Variants in ZMAT4 observed in about 807,000 individuals in gnomAD.
ZMAT4 encodes the protein zinc finger matrin-type 4.
A neutral mutation model predicts 28.7 loss-of-function variants in ZMAT4; 17 were observed. The observed-to-expected ratio is 0.59, with a 90% CI of 0.41 to 0.89. The LOEUF (loss-of-function observed/expected upper bound fraction) is 0.89, where lower values mean the gene tolerates loss of function less well. ZMAT4 is among the 40% of genes least tolerant of loss of function. The pLI is 0.00. For synonymous variants in ZMAT4, 117 were observed against 109.2 expected (o/e 1.07, Z -0.44); for missense variants, 240 against 283.8 (o/e 0.85, Z 1.11).
chr8:40,858,180 G>A (rs1164331697), intron 1 of ZMAT4, among the ~76,000 whole-genome samples: 3 of 152,218 alleles, frequency 2.0e-5, no homozygotes, highest in Non-Finnish European at 4.4e-5. Flanking sequence ...GAGAAGACAT[G>A]AAAACGGGAA....
At chr8:40,805,286 A>G (rs1335339139) in intron 2 of ZMAT4, among the ~76,000 whole-genome samples, 1 of 147,140 alleles carries the variant, frequency 6.8e-6, no homozygotes, top group Admixed American at 6.8e-5. Flanking sequence ...AAGTCAGGAA[A>G]CAACAGGTGC....
chr8:40,555,528 G>C (rs1585678336), intron 6 of ZMAT4, among the ~76,000 whole-genome samples: 1 of 152,128 alleles, frequency 6.6e-6, no homozygotes, highest in Non-Finnish European at 1.5e-5. Flanking sequence ...AATTCTCATA[G>C]TCCCATGAAA....
intron 5 of ZMAT4, among the ~76,000 whole-genome samples, chr8:40,618,312 G>A (rs1418094585): frequency 2.0e-5 from 3 of 152,196 alleles, no homozygotes; most frequent in Admixed American, 2.0e-4. Context: ...GTGTCCCAGA[G>A]GACCCACTGG....
intron 2 of ZMAT4, 115 bp from the exon 3 acceptor site, chr8:40,767,845 C>T (rs960158613): frequency 6.5e-6 from 5 of 770,306 alleles, no homozygotes; most frequent in South Asian, 2.0e-5. Flanking sequence ...GAAGACACTT[C>T]TGCATACTCC....
At chr8:40,897,079 G>C (rs923795085) in intron 1 of ZMAT4, among the ~76,000 whole-genome samples, 1 of 150,920 alleles carries the variant, frequency 6.6e-6, no homozygotes, top group African/African-American at 2.4e-5. Flanking sequence ...TTTTGCTGGC[G>C]TGTCACCAAG....
chr8:40,634,728 C>T (rs556124437), intron 5 of ZMAT4, among the ~76,000 whole-genome samples: 85 of 152,292 alleles, frequency 5.6e-4, no homozygotes, highest in African/African-American at 1.9e-3. Flanking sequence ...CTTCTTTGCA[C>T]TGATGATACC....
chr8:40,787,680 C>T (rs1814144501), intron 2 of ZMAT4, among the ~76,000 whole-genome samples: 1 of 152,110 alleles, frequency 6.6e-6, no homozygotes, highest in Non-Finnish European at 1.5e-5. Context: ...CATGGTGAGG[C>T]CTCATTAGTG....
At chr8:40,597,250 G>T (rs1288618427) in intron 5 of ZMAT4, among the ~76,000 whole-genome samples, 1 of 152,216 alleles carries the variant, frequency 6.6e-6, no homozygotes, top group Non-Finnish European at 1.5e-5. Context: ...GTGAGGACTT[G>T]CAGGCCACTT....
chr8:40,795,353 T>C (rs1048285636), intron 2 of ZMAT4, among the ~76,000 whole-genome samples: 12 of 152,166 alleles, frequency 7.9e-5, no homozygotes, highest in Admixed American at 5.2e-4. Flanking sequence ...GGTCTGTCCA[T>C]CAGGCAGCCA....
intron 3 of ZMAT4, among the ~76,000 whole-genome samples, chr8:40,714,169 G>T (rs1810749174): frequency 6.6e-6 from 1 of 152,092 alleles, no homozygotes; most frequent in South Asian, 2.1e-4. Flanking sequence ...TTTGGATAGT[G>T]ATTTGAGAAT....
At chr8:40,560,393 T>C (rs748061116) in intron 6 of ZMAT4, among the ~76,000 whole-genome samples, 2 of 152,070 alleles carry the variant, frequency 1.3e-5, no homozygotes, top group Non-Finnish European at 2.9e-5. Context: ...CAATGCTTTT[T>C]CTTGGAAAAC....
chr8:40,801,582 A>G (rs969606595), intron 2 of ZMAT4, among the ~76,000 whole-genome samples: 9 of 151,836 alleles, frequency 5.9e-5, no homozygotes, highest in African/African-American at 1.9e-4. Flanking sequence ...AGGAAGGAGA[A>G]TCACTTGAAT....
intron 1 of ZMAT4, among the ~76,000 whole-genome samples, chr8:40,835,800 A>G (rs1207075785): frequency 3.3e-5 from 5 of 152,178 alleles, no homozygotes; most frequent in Non-Finnish European, 5.9e-5. Flanking sequence ...GGTTGCTGCA[A>G]GTGCTGTCAG....
intron 1 of ZMAT4, among the ~76,000 whole-genome samples, chr8:40,850,499 G>C (rs968661213): frequency 1.4e-4 from 21 of 152,128 alleles, no homozygotes; most frequent in African/African-American, 5.1e-4. Context: ...ATGTGTTTTT[G>C]TCTAACTTCC....
At chr8:40,776,479 C>T (rs1205446902) in intron 2 of ZMAT4, among the ~76,000 whole-genome samples, 1 of 152,134 alleles carries the variant, frequency 6.6e-6, no homozygotes, top group Non-Finnish European at 1.5e-5. Flanking sequence ...ATTAAATTAC[C>T]ACCAAAGCCT....
chr8:40,705,473 T>C (rs1170343055), intron 3 of ZMAT4, among the ~76,000 whole-genome samples: 1 of 152,192 alleles, frequency 6.6e-6, no homozygotes, highest in Non-Finnish European at 1.5e-5. Flanking sequence ...TTCAATATTG[T>C]ACACTCAGTA....
At chr8:40,671,399 G>A (rs1011430351) in intron 5 of ZMAT4, among the ~76,000 whole-genome samples, 2 of 152,266 alleles carry the variant, frequency 1.3e-5, no homozygotes, top group Admixed American at 6.5e-5. Context: ...ATCTAAAATA[G>A]CACCAAAATA....
At chr8:40,832,745 G>A (rs1001038577) in intron 1 of ZMAT4, among the ~76,000 whole-genome samples, 5 of 152,182 alleles carry the variant, frequency 3.3e-5, no homozygotes, top group East Asian at 1.9e-4. Context: ...GAGGCCTTCC[G>A]CTGTTGTTTA....
chr8:40,693,462 T>C (rs1372509531), intron 4 of ZMAT4, among the ~76,000 whole-genome samples: 1 of 152,186 alleles, frequency 6.6e-6, no homozygotes, highest in East Asian at 1.9e-4. Flanking sequence ...AGCTCCTGAC[T>C]GGTGCACAGC....
Sources: gnomAD v4.1 joint callset for allele counts (sites outside exome capture counted in the v4.1 genomes callset) on GRCh38, gnomAD v4.1.1 for gene constraint, MANE v1.5 for transcripts, NCBI Gene and HGNC (gene_info 2026-07-23, HGNC 2026-07-21) for gene names.